Variants in SMOC2 observed in about 807,000 individuals in gnomAD.
The protein encoded by SMOC2 is SPARC related modular calcium binding 2, also known as SPARC-related modular calcium-binding protein 2.
In SMOC2, 39 loss-of-function variants were observed where a neutral mutation model predicts 61.4. That is an observed-to-expected ratio of 0.64 (90% CI 0.49 to 0.83). The LOEUF (loss-of-function observed/expected upper bound fraction) is 0.83, where lower values mean the gene tolerates loss of function less well. SMOC2 is among the 40% of genes least tolerant of loss of function. The probability of loss-of-function intolerance (pLI) is 0.00; values close to 1 mark genes in which losing one functional copy is unlikely to be tolerated. For missense variants in SMOC2, 556 were observed against 592.9 expected, an observed-to-expected ratio of 0.94 and a Z score of 0.65; for synonymous variants, 247 against 239.9, an observed-to-expected ratio of 1.03 and a Z score of -0.27.
At chr6:168,503,980 G>A (rs918689236) in intron 1 of SMOC2, among the ~76,000 whole-genome samples, 1 of 152,078 alleles carries the variant, frequency 6.6e-6, no homozygotes, top group Non-Finnish European at 1.5e-5. Context: ...TTTGAACCCC[G>A]GTCTCCTCAG....
chr6:168,476,097 A>G (rs1182607788), intron 1 of SMOC2, among the ~76,000 whole-genome samples: 2 of 152,158 alleles, frequency 1.3e-5, no homozygotes, highest in East Asian at 3.9e-4. Flanking sequence ...AGGATTTAAT[A>G]TATTGATTTC....
intron 9 of SMOC2, among the ~76,000 whole-genome samples, chr6:168,647,221 T>A: frequency 6.6e-6 from 1 of 152,188 alleles, no homozygotes. Context: ...TGAGCCTGCA[T>A]GCGGCAGTTT....
chr6:168,549,270 T>C, intron 7 of SMOC2, 67 bp downstream of exon 7: 1 of 1,486,806 alleles, frequency 6.7e-7, no homozygotes, highest in Non-Finnish European at 9.4e-7. Context: ...ATGGGGTTTT[T>C]TTTTGGAGTT....
chr6:168,652,294 G>A (rs1018591563), intron 10 of SMOC2, among the ~76,000 whole-genome samples: 4 of 152,232 alleles, frequency 2.6e-5, no homozygotes, highest in Admixed American at 1.3e-4. Flanking sequence ...CGGAGTTCAC[G>A]GTGTTCTCAT....
Position 168,452,910 on chromosome 6 carries a change from A to G in SMOC2, c.84+11456A>G, listed in dbSNP as rs1283970834. 6.6e-6 allele frequency among the ~76,000 whole-genome samples: 1 copy of G among 152,180 alleles called. No individual in the cohort carries two copies. Among genetic ancestry groups the G allele is most frequent in the Non-Finnish European group, 1.5e-5 (1 of 68,036 alleles). On this transcript the variant is annotated intron_variant, in intron 1 of 12. Coordinates refer to ENST00000356284, the MANE Select transcript of SMOC2 (RefSeq NM_001166412.2). This position sits in a 1 kb window ranked among gnomAD's most constrained non-coding sequence, Gnocchi z 5.0. The stretch of plus-strand genomic sequence containing the variant: ...GCTGACTCCCAGGCCACACTCTGTC[A>G]ATTTCTGGGGCTTCCTCTGGGCTCC...
chr6:168,648,876 C>T (rs1025317140), intron 9 of SMOC2, among the ~76,000 whole-genome samples: 33 of 152,170 alleles, frequency 2.2e-4, no homozygotes, highest in Non-Finnish European at 5.9e-5. Flanking sequence ...CTAGGAAAAC[C>T]AGGGCGTCCC....
intron 1 of SMOC2, among the ~76,000 whole-genome samples, chr6:168,456,620 T>G (rs1781593760): frequency 6.6e-6 from 1 of 152,162 alleles, no homozygotes; most frequent in African/African-American, 2.4e-5. Flanking sequence ...GGAAGTGGCC[T>G]TCCCACAAGA....
intron 1 of SMOC2, among the ~76,000 whole-genome samples, chr6:168,477,556 C>T (rs1782117238): frequency 6.6e-6 from 1 of 152,210 alleles, no homozygotes; most frequent in Non-Finnish European, 1.5e-5. Context: ...AGAGCCCTTT[C>T]TCTTTCTTTC....
intron 9 of SMOC2, among the ~76,000 whole-genome samples, chr6:168,618,126 G>A (rs1364484003): frequency 1.3e-5 from 2 of 152,256 alleles, no homozygotes; most frequent in Non-Finnish European, 2.9e-5. Context: ...ATCGCCCCAG[G>A]GCCCAGTGCT....
At chr6:168,598,369 G>A (rs180867232) in intron 7 of SMOC2, among the ~76,000 whole-genome samples, 47 of 152,308 alleles carry the variant, frequency 3.1e-4, no homozygotes, top group African/African-American at 1.1e-3. Flanking sequence ...GTCTAAACAC[G>A]ACCTTGCCCT....
At chr6:168,581,920 C>T (rs112983576) in intron 7 of SMOC2, among the ~76,000 whole-genome samples, 2,103 of 152,316 alleles carry the variant, frequency 0.014, 55 homozygotes, top group African/African-American at 0.045. Context: ...AAGTCTCCTC[C>T]GTGCAGAGGC....
chr6:168,540,211 C>T (rs1783847434), intron 4 of SMOC2, among the ~76,000 whole-genome samples: 1 of 152,210 alleles, frequency 6.6e-6, no homozygotes, highest in Non-Finnish European at 1.5e-5. Flanking sequence ...GGGGTGAGCC[C>T]AGGAATGAAT....
intron 8 of SMOC2, among the ~76,000 whole-genome samples, chr6:168,599,206 A>ACTCATACCCACACACG (rs1785425276): frequency 8.2e-6 from 1 of 121,992 alleles, no homozygotes; most frequent in Non-Finnish European, 1.7e-5. Context: ...CCACACACAC[A>ACTCATACCCACACACG]CTCATACCCA....
At chr6:168,606,851 G>C (rs1785706754) in intron 8 of SMOC2, among the ~76,000 whole-genome samples, 1 of 152,112 alleles carries the variant, frequency 6.6e-6, no homozygotes, top group African/African-American at 2.4e-5. Context: ...GGTGTTGGCG[G>C]GCACTGCGTC....
intron 1 of SMOC2, among the ~76,000 whole-genome samples, chr6:168,446,522 A>G (rs770545006): frequency 9.9e-5 from 15 of 152,240 alleles, no homozygotes; most frequent in Non-Finnish European, 1.8e-4. Context: ...GCATTGAGTA[A>G]TAGAGCAAGA....
chr6:168,526,435 G>A lies in SMOC2; in HGVS notation c.346G>A (p.Asp116Asn), dbSNP rs747750452. ...QQVFIPECND[D>N]GTYSQVQCHS... ...AGTGTTCATTCCTGAGTGCAATGAC[G>A]ACGGCACCTACAGTCAGGTTACCGG... The change falls in exon 3 of 13, where the codon GAC becomes AAC. Residue 116 changes from aspartate (D) to asparagine (N), a missense_variant. Transcript: ENST00000356284. 5.6e-6 allele frequency: 9 copies of A among 1,614,106 alleles called. No individual in the cohort carries two copies. The highest frequency in any genetic ancestry group is 5.5e-5 in the South Asian group (5 of 91,088).
chr6:168,638,119 A>G lies in SMOC2; in HGVS notation c.908-12562A>G, dbSNP rs111294273. On this transcript the variant is annotated intron_variant, in intron 9 of 12. Transcript: ENST00000356284. ...CAGGAAGCATTTCCTCTCCCTGCAC[A>G]CCCACACACTCGCTGGCCAGCCCCT... Among the ~76,000 whole-genome samples the G allele has an allele frequency of 7.6e-3, 1,135 of 149,958 alleles. 6 individuals carry two copies. The highest frequency in any genetic ancestry group is 0.012 in the Non-Finnish European group (801 of 67,616).
chr6:168,648,793 G>A (rs918652754), intron 9 of SMOC2, among the ~76,000 whole-genome samples: 3 of 152,206 alleles, frequency 2.0e-5, no homozygotes, highest in African/African-American at 7.2e-5. Flanking sequence ...CAGCATGACT[G>A]TGGAGTCTTG....
intron 1 of SMOC2, among the ~76,000 whole-genome samples, chr6:168,444,846 A>G (rs1781296218): frequency 6.6e-6 from 1 of 152,154 alleles, no homozygotes; most frequent in African/African-American, 2.4e-5. Context: ...ATAAGCCCAT[A>G]CCTAGGTGAT....
Sources: gnomAD v4.1 joint callset for allele counts (sites outside exome capture counted in the v4.1 genomes callset) on GRCh38, gnomAD v4.1.1 for gene constraint, Gnocchi (gnomAD v3.1) non-coding constraint, MANE v1.5 for transcripts, NCBI Gene and HGNC (gene_info 2026-07-23, HGNC 2026-07-21) for gene names.